SCARB1: variants seen among roughly 807,000 people sequenced by gnomAD.
The protein encoded by SCARB1 is CD36 and LIMPII analogous 1.
SCARB1 carries 30 observed loss-of-function variants against 57.2 expected under a neutral mutation model. That is an observed-to-expected ratio of 0.52 (90% confidence interval 0.39 to 0.71). The LOEUF is 0.71. Ranked by LOEUF, SCARB1 falls within the 30% of genes least tolerant of loss-of-function variation. The pLI, the probability that SCARB1 is intolerant of heterozygous loss-of-function variation, is 0.00. For synonymous variants in SCARB1, 249 were observed against 268.3 expected (o/e 0.93, Z 0.70); for missense variants, 543 against 671.2 (o/e 0.81, Z 2.11).
chr12:124,808,069 G>A (rs1243504046), intron 6 of SCARB1, 142 bp from the exon 7 acceptor site: 18 of 782,920 alleles, frequency 2.3e-5, no homozygotes, highest in Non-Finnish European at 2.2e-5. Flanking sequence ...TCTCTCACCC[G>A]CGGAGCTGCA....
At chr12:124,809,468 G>A (rs1950446119) in intron 6 of SCARB1, among the ~76,000 whole-genome samples, 1 of 151,988 alleles carries the variant, frequency 6.6e-6, no homozygotes, top group South Asian at 2.1e-4. Flanking sequence ...AGTAAAAAGT[G>A]GCCACACAGA....
chr12:124,788,809 C>G (rs1159558077), intron 9 of SCARB1, among the ~76,000 whole-genome samples: 1 of 152,190 alleles, frequency 6.6e-6, no homozygotes, highest in African/African-American at 2.4e-5. Flanking sequence ...AGAAACTGCC[C>G]TAGAGATGCT....
At chr12:124,795,964 G>A (rs537156963) in intron 8 of SCARB1, among the ~76,000 whole-genome samples, 42 of 152,190 alleles carry the variant, frequency 2.8e-4, no homozygotes, top group African/African-American at 1.0e-3. Context: ...AGCTTCCTTT[G>A]TGCAGAAATT....
Position 124,796,820 on chromosome 12 carries a change from A to G in SCARB1, c.1129-1552T>C, listed in dbSNP as rs1369328886. ...CCCTCGAGAGCCTGGTGGGATGGGC[A>G]TGAGATCACCCGTGAGTAGAACAGA... is the stretch of plus-strand genomic sequence containing the variant. On this transcript the variant is annotated intron_variant, in intron 8 of 12. Coordinates refer to ENST00000261693, the MANE Select transcript of SCARB1 (RefSeq NM_005505.5). This position sits in a 1 kb window ranked among gnomAD's most constrained non-coding sequence, Gnocchi z 4.0. Among the ~76,000 whole-genome samples the G allele has an allele frequency of 1.3e-5, 2 of 152,166 alleles. No homozygotes were observed. The highest frequency in any genetic ancestry group is 3.9e-4 in the East Asian group (2 of 5,190).
At chr12:124,779,663 C>T (rs190428446) in intron 12 of SCARB1, among the ~76,000 whole-genome samples, 85 of 152,328 alleles carry the variant, frequency 5.6e-4, no homozygotes, top group African/African-American at 1.5e-3. Flanking sequence ...ACAGATAATG[C>T]TAATGATAAG....
Position 124,815,054 on chromosome 12 carries a change from C to T in SCARB1, c.345G>A (p.Glu115=), listed in dbSNP as rs777275041. 3 of 1,614,206 alleles carry T rather than the reference C, an allele frequency of 1.9e-6. No individual in the cohort carries two copies. The highest frequency in any genetic ancestry group is 1.3e-5 in the African/African-American group (1 of 75,060). ...FNNNDTVSFL[E]YRTFQFQPSK... is the part of the protein sequence containing the mutation. ...AGGGCTGGAACTGGAAGGTGCGGTA[C>T]TCGAGGAAGGACACGGTGTCGTTGT... The change falls in exon 3 of 13, where the codon GAG becomes GAA. Residue 115 remains glutamate (E), a synonymous_variant. Coordinates refer to ENST00000261693, the MANE Select transcript of SCARB1 (RefSeq NM_005505.5).
intron 12 of SCARB1, among the ~76,000 whole-genome samples, chr12:124,780,372 T>C (rs1230250037): frequency 2.6e-5 from 4 of 152,194 alleles, no homozygotes; most frequent in African/African-American, 4.8e-5. Context: ...TATAAAAATA[T>C]CTGTTTTCCC....
chr12:124,832,586 C>T (rs984441484), intron 1 of SCARB1, among the ~76,000 whole-genome samples: 1 of 151,706 alleles, frequency 6.6e-6, no homozygotes, highest in Admixed American at 6.6e-5. Context: ...CGCGGCAATA[C>T]AGGGAGGGCC....
intron 1 of SCARB1, chr12:124,821,325 G>A: frequency 1.0e-6 from 1 of 966,474 alleles, no homozygotes; most frequent in South Asian, 4.8e-5. Context: ...TCTCCCACCT[G>A]GTTTCTCAGC....
chr12:124,860,101 C>T (rs974240923), intron 1 of SCARB1, among the ~76,000 whole-genome samples: 19 of 152,102 alleles, frequency 1.2e-4, no homozygotes, highest in African/African-American at 4.6e-4. Flanking sequence ...CAGGCGTGCA[C>T]CACCATGTCC....
At chr12:124,782,592 G>C in intron 12 of SCARB1, 91 bp downstream of exon 12, 1 of 1,277,912 alleles carries the variant, frequency 7.8e-7, no homozygotes, top group South Asian at 1.3e-5. Context: ...GAGGCTGAAG[G>C]AATGAGCAGG....
At position 124,823,511 on chromosome 12, in the gene SCARB1, C is replaced by A. The variant is rs575994712; in HGVS notation, c.127-5804G>T. ...GTTGGCAAGGGTGTGGGAACTGGAA[C>A]CTTTATGCATTGCCGGCAGAAGTGT... On this transcript the variant is annotated intron_variant, in intron 1 of 12. Coordinates refer to ENST00000261693, the MANE Select transcript of SCARB1 (RefSeq NM_005505.5). 2.0e-5 allele frequency among the ~76,000 whole-genome samples: 3 copies of A among 152,224 alleles called. No individual in the cohort carries two copies. The South Asian group carries it at 6.2e-4, about 32-fold the overall frequency.
chr12:124,802,357 G>A (rs1006761588), intron 7 of SCARB1, among the ~76,000 whole-genome samples: 1 of 152,096 alleles, frequency 6.6e-6, no homozygotes, highest in African/African-American at 2.4e-5. Flanking sequence ...GCAGGTGATG[G>A]CAAGGAGGAA....
chr12:124,829,805 C>T (rs1444010034), intron 1 of SCARB1, among the ~76,000 whole-genome samples: 1 of 152,234 alleles, frequency 6.6e-6, no homozygotes, highest in Non-Finnish European at 1.5e-5. Flanking sequence ...CTGGGCACTT[C>T]AATAGTGAAC....
intron 1 of SCARB1, chr12:124,840,126 T>C (rs963420992): frequency 8.3e-7 from 1 of 1,207,732 alleles, no homozygotes; most frequent in African/African-American, 1.6e-5. Context: ...TGATTCTCAT[T>C]TCCCTAACGA....
intron 1 of SCARB1, among the ~76,000 whole-genome samples, chr12:124,838,125 A>G (rs1951765713): frequency 6.6e-6 from 1 of 152,234 alleles, no homozygotes; most frequent in African/African-American, 2.4e-5. Context: ...AGAGCTGAGC[A>G]TATTGACTAT....
intron 6 of SCARB1, among the ~76,000 whole-genome samples, chr12:124,808,866 T>A (rs2135647722): frequency 6.6e-6 from 1 of 152,292 alleles, no homozygotes. Flanking sequence ...CAATAACACT[T>A]GAAATGATCC....
intron 1 of SCARB1, among the ~76,000 whole-genome samples, chr12:124,858,650 C>A (rs964711068): frequency 1.3e-5 from 2 of 151,590 alleles, no homozygotes; most frequent in African/African-American, 4.9e-5. Context: ...GAGGCCGAGA[C>A]GGGCGGATCA....
rs1950569283 is a variant in SCARB1, at chr12:124,812,650, A to AC, written c.631-686_631-685insG. Among the ~76,000 whole-genome samples the AC allele has an allele frequency of 6.6e-6, 1 of 152,202 alleles. No homozygotes were observed. Among genetic ancestry groups the AC allele is most frequent in the Non-Finnish European group, 1.5e-5 (1 of 68,044 alleles). ...TTCCCAGAAGCTGGTTTCTAATCCC[A>AC]AAGACATGCAAAGCACAAAGTGGTA... On this transcript the variant is annotated intron_variant, in intron 4 of 12. Transcript: ENST00000261693. The surrounding 1 kb of genome is among the most constrained non-coding windows in gnomAD (Gnocchi z 4.3).
Sources: allele counts gnomAD v4.1 joint callset (sites outside exome capture counted in the v4.1 genomes callset), GRCh38; gene constraint gnomAD v4.1.1; non-coding constraint Gnocchi (gnomAD v3.1); transcripts MANE v1.5; gene names NCBI Gene and HGNC (gene_info 2026-07-23, HGNC 2026-07-21).